UBE2D3: variants seen among roughly 807,000 people sequenced by gnomAD.
UBE2D3 encodes the protein ubiquitin-conjugating enzyme E2 D3.
Under a neutral mutation model 22.8 loss-of-function variants are expected in UBE2D3, and 2 were observed. That is an observed-to-expected ratio of 0.09 (90% CI 0.04 to 0.28). The LOEUF (loss-of-function observed/expected upper bound fraction) is 0.28. Ranked by LOEUF, UBE2D3 falls within the 10% of genes least tolerant of loss-of-function variation. The pLI is 1.00. For synonymous variants in UBE2D3, 56 were observed against 60.4 expected (o/e 0.93, Z 0.34); for missense variants, 27 against 182.5 (o/e 0.15, Z 4.91).
chr4:102,821,598 T>G (rs527330978), intron 2 of UBE2D3, among the ~76,000 whole-genome samples: 2 of 113,934 alleles, frequency 1.8e-5, no homozygotes, highest in East Asian at 4.9e-4. Flanking sequence ...AAGACCCCCA[T>G]GCAGCTGTAT....
chr4:102,835,121 T>G (rs1731322449), intron 1 of UBE2D3, among the ~76,000 whole-genome samples: 1 of 152,200 alleles, frequency 6.6e-6, no homozygotes, highest in African/African-American at 2.4e-5. Context: ...AGCCTCATTA[T>G]GAGTAATAGT....
intron 1 of UBE2D3, among the ~76,000 whole-genome samples, chr4:102,857,028 G>A (rs963223536): frequency 1.2e-4 from 19 of 152,284 alleles, no homozygotes; most frequent in Admixed American, 5.2e-4. Context: ...AGCACAGAGT[G>A]ACCCCTAATG....
At chr4:102,852,219 G>A (rs971822056) in intron 1 of UBE2D3, among the ~76,000 whole-genome samples, 1 of 152,148 alleles carries the variant, frequency 6.6e-6, no homozygotes, top group Admixed American at 6.5e-5. Context: ...TTCACATATT[G>A]AGTAGATCAG....
intron 1 of UBE2D3, chr4:102,843,652 A>G (rs1165644706): frequency 7.4e-6 from 1 of 135,670 alleles, no homozygotes. Flanking sequence ...ATTTCTGGCC[A>G]TTGGACCCCT....
chr4:102,845,130 C>T (rs1731981464), intron 1 of UBE2D3, among the ~76,000 whole-genome samples: 1 of 151,744 alleles, frequency 6.6e-6, no homozygotes, highest in Non-Finnish European at 1.5e-5. Flanking sequence ...TGCCTGCAGT[C>T]CCAGCTATTT....
At chr4:102,853,060 C>A (rs893968642) in intron 1 of UBE2D3, among the ~76,000 whole-genome samples, 2 of 151,666 alleles carry the variant, frequency 1.3e-5, no homozygotes, top group African/African-American at 4.8e-5. Flanking sequence ...GCTGTGGGGG[C>A]ACTCTCATCT....
At position 102,795,648 on chromosome 4, in the gene UBE2D3, A is replaced by G. The variant is rs1725198474; in HGVS notation, c.*1767T>C. 1 of 152,110 alleles carries G rather than the reference A, an allele frequency of 6.6e-6. No homozygotes were observed. The highest frequency in any genetic ancestry group is 2.4e-5 in the African/African-American group (1 of 41,460). 9.4% of individuals were successfully genotyped at this position (152,110 alleles called of 1,614,324 possible). A position where few individuals can be genotyped will look rare whatever the true frequency, so the allele number is the denominator to read the frequency against. ...GGCATGCATTTCACTTCCAGTTTAGAGAAGAACCTTAAGTCAATAAATCAT... is the reference window on the plus strand; with the variant it reads ...GGCATGCATTTCACTTCCAGTTTAGGGAAGAACCTTAAGTCAATAAATCAT... On this transcript the variant is annotated 3_prime_UTR_variant, in exon 8 of 8. Transcript: ENST00000453744.
chr4:102,801,397 C>A (rs1013866879), intron 6 of UBE2D3, 57 bp downstream of exon 6: 4 of 1,436,898 alleles, frequency 2.8e-6, no homozygotes, highest in Non-Finnish European at 1.9e-6. Flanking sequence ...ATAAGTAGAT[C>A]TAAGAATGAA....
rs932842992 is a variant in UBE2D3, at chr4:102,842,970, A to G, written c.-128-16334T>C. On this transcript the variant is annotated intron_variant, in intron 1 of 7. Transcript: ENST00000338145. Reference sequence around the variant, plus strand: ...ACTAAAAATACAAAAATTAGCTGGAAGTGGTGGTGCATGCTTGTAATCCCA... The same window carrying G: ...ACTAAAAATACAAAAATTAGCTGGAGGTGGTGGTGCATGCTTGTAATCCCA... 2.8e-5 allele frequency among the ~76,000 whole-genome samples: 4 copies of G among 143,444 alleles called. No homozygotes were observed. In the Admixed American group the frequency reaches 2.8e-4, roughly 10 times the overall value. The allele number at this position is 143,444 out of a possible 152,430, so 94.1% of individuals were successfully genotyped here. A position where few individuals can be genotyped will look rare whatever the true frequency, so the allele number is the denominator to read the frequency against.
At chr4:102,826,726 G>T in intron 1 of UBE2D3, 90 bp from the exon 2 acceptor site, 2 of 1,420,060 alleles carry the variant, frequency 1.4e-6, no homozygotes, top group South Asian at 1.5e-5. Context: ...GCGATCCGGG[G>T]TGGGTGGGGT....
At chr4:102,827,621 C>T (rs1413940779), upstream of UBE2D3, 3 of 986,884 alleles carry the variant, frequency 3.0e-6, no homozygotes, top group Non-Finnish European at 2.4e-6. Flanking sequence ...AGTCCGCCAA[C>T]GCCGCCGTCC....
At chr4:102,851,903 C>G (rs907092602) in intron 1 of UBE2D3, among the ~76,000 whole-genome samples, 2 of 152,052 alleles carry the variant, frequency 1.3e-5, no homozygotes, top group Admixed American at 6.5e-5. Flanking sequence ...TCCTGACCCT[C>G]AGGTGATCCA....
chr4:102,857,617 G>A (rs1732688599), intron 1 of UBE2D3, among the ~76,000 whole-genome samples: 1 of 152,088 alleles, frequency 6.6e-6, no homozygotes, highest in Non-Finnish European at 1.5e-5. Flanking sequence ...TGCGTCTACT[G>A]CATTTAGTTT....
intron 4 of UBE2D3, among the ~76,000 whole-genome samples, chr4:102,803,563 C>T (rs1345895612): frequency 6.6e-6 from 1 of 152,176 alleles, no homozygotes; most frequent in African/African-American, 2.4e-5. Context: ...ATTAATCTAA[C>T]CCCTTGCTAT....
Position 102,824,368 on chromosome 4 carries a change from C to T in UBE2D3, c.24+2117G>A, listed in dbSNP as rs112885542. On this transcript the variant is annotated intron_variant, in intron 2 of 7. Transcript: ENST00000453744. ...ACTAGGAGTGTCATGTGCCAAGAGC[C>T]TGTTCAAATTTGCACATTAATCCAT... Among the ~76,000 whole-genome samples, 1,166 of 152,294 alleles carry T rather than the reference C, an allele frequency of 7.7e-3. 8 individuals carry two copies. Among genetic ancestry groups the T allele is most frequent in the African/African-American group, 0.026 (1,065 of 41,548 alleles).
chr4:102,850,273 A>C (rs537551904), intron 1 of UBE2D3, among the ~76,000 whole-genome samples: 1 of 152,340 alleles, frequency 6.6e-6, no homozygotes, highest in African/African-American at 2.4e-5. Flanking sequence ...GGGAGCTCTC[A>C]TAAGAAGGTT....
intron 2 of UBE2D3, chr4:102,813,108 T>TA (rs1403953983): frequency 1.3e-5 from 2 of 152,200 alleles, no homozygotes; most frequent in African/African-American, 2.4e-5. Context: ...ACTGCTCTAA[T>TA]AGTATCTTTT....
At chr4:102,821,737 C>A (rs979023047) in intron 2 of UBE2D3, among the ~76,000 whole-genome samples, 2 of 152,084 alleles carry the variant, frequency 1.3e-5, no homozygotes, top group African/African-American at 4.8e-5. Flanking sequence ...GCATTGCATA[C>A]CTGTATCAAA....
chr4:102,821,490 T>C (rs1267925567), intron 2 of UBE2D3, among the ~76,000 whole-genome samples: 1 of 152,138 alleles, frequency 6.6e-6, no homozygotes, highest in East Asian at 1.9e-4. Flanking sequence ...GGACCTTTAC[T>C]CCCTTGTATC....
Sources: allele counts gnomAD v4.1 joint callset (sites outside exome capture counted in the v4.1 genomes callset), GRCh38; gene constraint gnomAD v4.1.1; transcripts MANE v1.5; gene names NCBI Gene and HGNC (gene_info 2026-07-23, HGNC 2026-07-21).